AMPH: variants seen among roughly 807,000 people sequenced by gnomAD.
The protein encoded by AMPH is amphiphysin (Stiff-Mann syndrome with breast cancer 128kD autoantigen).
In AMPH, 49 loss-of-function variants were observed where a neutral mutation model predicts 99.1. That is an observed-to-expected ratio of 0.49 (90% CI 0.39 to 0.63). AMPH has a LOEUF of 0.63. Among genes scored for constraint, AMPH ranks in the 20% least tolerant of loss-of-function variants. AMPH has a pLI of 0.00. For synonymous variants in AMPH, 314 were observed against 317.3 expected (o/e 0.99, Z 0.11); for missense variants, 759 against 863.4 (o/e 0.88, Z 1.52).
In AMPH at chr7:38,588,063, C is replaced by A. The variant is rs182497546; in HGVS notation, c.69+43220G>T. On this transcript the variant is annotated intron_variant, in intron 1 of 20. Transcript: ENST00000356264. The stretch of plus-strand genomic sequence containing the variant: ...ACCTCCTGGGCTCAAGCGATCCCCC[C>A]ACCTCTGCCTCCCAAGTAGGTGGAC... Among the ~76,000 whole-genome samples the A allele has an allele frequency of 2.6e-3, 395 of 152,022 alleles. 2 individuals carry two copies. Among genetic ancestry groups the A allele is most frequent in the Non-Finnish European group, 3.9e-3 (266 of 67,968 alleles).
chr7:38,523,122 AG>A (rs555426424), intron 2 of AMPH, among the ~76,000 whole-genome samples: 1 of 143,826 alleles, frequency 7.0e-6, no homozygotes, highest in Non-Finnish European at 1.6e-5. Context: ...AAAAAAAAAA[AG>A]AAGGTGGGGG....
intron 3 of AMPH, among the ~76,000 whole-genome samples, chr7:38,499,721 T>C (rs182339298): frequency 1.1e-3 from 162 of 152,302 alleles, no homozygotes; most frequent in African/African-American, 3.7e-3. Flanking sequence ...GGCATTGATA[T>C]GGTTTGGCTC....
intron 1 of AMPH, among the ~76,000 whole-genome samples, chr7:38,551,377 A>G (rs1235056938): frequency 2.0e-5 from 3 of 152,194 alleles, no homozygotes; most frequent in Non-Finnish European, 4.4e-5. Context: ...TGTTCTGATC[A>G]TCTGCAAATA....
At chr7:38,455,753 G>A (rs1787207336) in intron 11 of AMPH, among the ~76,000 whole-genome samples, 1 of 152,180 alleles carries the variant, frequency 6.6e-6, no homozygotes, top group Non-Finnish European at 1.5e-5. Context: ...TCCAGAGAGA[G>A]AACTCACAAG....
intron 15 of AMPH, 126 bp from the exon 16 acceptor site, chr7:38,422,603 C>CTATCCATCTATCT: frequency 2.3e-6 from 1 of 429,480 alleles, no homozygotes; most frequent in South Asian, 3.6e-5. Context: ...TCTATCTATC[C>CTATCCATCTATCT]ATCTATCTAT....
chr7:38,464,065 A>T, intron 9 of AMPH: 1 of 1,289,706 alleles, frequency 7.8e-7, no homozygotes, highest in Non-Finnish European at 1.0e-6. Flanking sequence ...TAAGCTTAAT[A>T]GAGATGCCAC....
chr7:38,384,683 T>A lies in AMPH; in HGVS notation c.*135A>T. The A allele has an allele frequency of 1.4e-6, 1 of 726,506 alleles. No homozygotes were observed. Among genetic ancestry groups the A allele is most frequent in the Non-Finnish European group, 2.3e-6 (1 of 432,316 alleles). 45.0% of individuals were successfully genotyped at this position (726,506 alleles called of 1,614,324 possible). A position where few individuals can be genotyped will look rare whatever the true frequency, so the allele number is the denominator to read the frequency against. ...ACATTTTTTTGCACACATGCTCCAT[T>A]GATACATCTTCCCAAGGTTTGTCTG... On this transcript the variant is annotated 3_prime_UTR_variant, in exon 21 of 21. Transcript: ENST00000356264.
chr7:38,528,616 T>A (rs987656012), intron 2 of AMPH, among the ~76,000 whole-genome samples: 29 of 152,170 alleles, frequency 1.9e-4, no homozygotes, highest in Non-Finnish European at 3.2e-4. Flanking sequence ...TGTGTCTTTT[T>A]TCTTGTTGTC....
At chr7:38,560,527 T>C (rs1194716515) in intron 1 of AMPH, among the ~76,000 whole-genome samples, 1 of 152,200 alleles carries the variant, frequency 6.6e-6, no homozygotes, top group Non-Finnish European at 1.5e-5. Flanking sequence ...CACAAGAATT[T>C]AGAAAGTAAA....
chr7:38,434,382 T>C (rs1160648456), intron 12 of AMPH, among the ~76,000 whole-genome samples: 2 of 152,188 alleles, frequency 1.3e-5, no homozygotes, highest in African/African-American at 4.8e-5. Context: ...ACAGAAATGC[T>C]ATGAAATCTC....
At chr7:38,483,387 C>A (rs1788366059) in intron 5 of AMPH, among the ~76,000 whole-genome samples, 2 of 152,126 alleles carry the variant, frequency 1.3e-5, no homozygotes, top group South Asian at 4.1e-4. Context: ...ACAGCCCCTC[C>A]CCTCAACTGA....
chr7:38,416,311 G>A (rs1419882724), intron 17 of AMPH, among the ~76,000 whole-genome samples: 1 of 151,906 alleles, frequency 6.6e-6, no homozygotes, highest in Non-Finnish European at 1.5e-5. Context: ...ACATTCAGCC[G>A]TATTGAACAC....
chr7:38,544,493 C>A (rs1584228489), intron 1 of AMPH, among the ~76,000 whole-genome samples: 1 of 152,112 alleles, frequency 6.6e-6, no homozygotes, highest in Non-Finnish European at 1.5e-5. Context: ...CCAGGAATTG[C>A]CTGGAATTGT....
chr7:38,487,591 A>G (rs1235121769), intron 5 of AMPH, among the ~76,000 whole-genome samples: 2 of 152,326 alleles, frequency 1.3e-5, no homozygotes, highest in East Asian at 3.9e-4. Flanking sequence ...CCTAGGCAAT[A>G]CCATTCAGGA....
intron 11 of AMPH, among the ~76,000 whole-genome samples, chr7:38,441,890 C>A (rs1377148020): frequency 1.5e-5 from 1 of 65,828 alleles, no homozygotes; most frequent in Non-Finnish European, 3.5e-5. Flanking sequence ...CATATACATA[C>A]ACACACACAC....
intron 1 of AMPH, among the ~76,000 whole-genome samples, chr7:38,571,281 T>TATATATTTATATATAGAA (rs1562835247): frequency 0.039 from 1,704 of 43,860 alleles, 188 homozygotes; most frequent in African/African-American, 0.085. Flanking sequence ...ATATATATTT[T>TATATATTTATATATAGAA]TATATATATT....
At chr7:38,626,278 A>T (rs1794238643) in intron 1 of AMPH, among the ~76,000 whole-genome samples, 1 of 152,110 alleles carries the variant, frequency 6.6e-6, no homozygotes, top group Non-Finnish European at 1.5e-5. Flanking sequence ...TTAGGTTTTA[A>T]GCCCCACTTC....
At chr7:38,558,553 G>C (rs1791446449) in intron 1 of AMPH, among the ~76,000 whole-genome samples, 1 of 152,240 alleles carries the variant, frequency 6.6e-6, no homozygotes, top group South Asian at 2.1e-4. Flanking sequence ...TAGTCTGCAA[G>C]ATGGTGGGAA....
At chr7:38,428,718 A>G in intron 14 of AMPH, 1 of 456,722 alleles carries the variant, frequency 2.2e-6, no homozygotes, top group South Asian at 1.5e-5. Context: ...TTTGGCTCCA[A>G]AGCCTTCTAT....
Sources: gnomAD v4.1 joint callset for allele counts (sites outside exome capture counted in the v4.1 genomes callset) on GRCh38, gnomAD v4.1.1 for gene constraint, MANE v1.5 for transcripts, NCBI Gene and HGNC (gene_info 2026-07-23, HGNC 2026-07-21) for gene names.